Variants in PYGL observed in about 807,000 individuals in gnomAD.
The protein encoded by PYGL is glycogen phosphorylase, liver form.
PYGL carries 90 observed loss-of-function variants against 100.1 expected under a neutral mutation model. The ratio of observed to expected loss-of-function variants is 0.90; its 90% CI spans 0.76 to 1.07. The LOEUF is 1.07. Ranked by LOEUF, PYGL falls within the 50% of genes least tolerant of loss-of-function variation. PYGL has a pLI of 0.00. For synonymous variants in PYGL, 373 were observed against 393.0 expected (o/e 0.95, Z 0.60); for missense variants, 1,016 against 1,057.6 (o/e 0.96, Z 0.55).
chr14:50,906,454 G>C (rs2050337396), intron 19 of PYGL, among the ~76,000 whole-genome samples: 1 of 152,172 alleles, frequency 6.6e-6, no homozygotes, highest in African/African-American at 2.4e-5. Flanking sequence ...ATAATGAATA[G>C]ACTTCCCAGT....
At position 50,908,335 on chromosome 14, in the gene PYGL, A is replaced by C; in HGVS notation, c.2315T>G (p.Phe772Cys). The part of the protein sequence containing the change: ...IINMLFYHDR[F>C]KVFADYEAYV... ...GGCTTCGTAGTCTGCAAAGACTTTA[A>C]ACCTTTTATTTTGTGAGTGGAAGAG... Residue 772 changes from phenylalanine to cysteine, a missense_variant and splice_region_variant, in exon 19 of 20, where the codon TTT becomes TGT. Coordinates refer to ENST00000216392, the MANE Select transcript of PYGL (RefSeq NM_002863.5). 1.3e-6 allele frequency: 2 copies of C among 1,594,750 alleles called. No homozygotes were observed. Among genetic ancestry groups the C allele is most frequent in the Non-Finnish European group, 1.7e-6 (2 of 1,162,370 alleles).
At chr14:50,912,953 CA>C (rs1347808049) in intron 13 of PYGL, 75 bp downstream of exon 13, 4 of 1,430,430 alleles carry the variant, frequency 2.8e-6, no homozygotes, top group Non-Finnish European at 3.9e-6. Context: ...GACTCTGTCT[CA>C]AAAAATAAAC....
rs765251972 is a variant in PYGL at position 50,915,745 on chromosome 14, T to G, written c.1239+80A>C. On this transcript the variant is annotated intron_variant, in intron 10 of 19. Transcript: ENST00000216392. Reference sequence around the variant, plus strand: ...GTATCAATGATTGAAAGATGTTTGGTAAGAGGGAACACTGTAGCCATCTGT... The same window carrying G: ...GTATCAATGATTGAAAGATGTTTGGGAAGAGGGAACACTGTAGCCATCTGT... The G allele has an allele frequency of 8.3e-5, 128 of 1,539,690 alleles. 1 individual carries two copies. Among genetic ancestry groups the G allele is most frequent in the Non-Finnish European group, 4.8e-5 (54 of 1,127,744 alleles).
chr14:50,921,068 C>A lies in PYGL; in HGVS notation c.661-1G>T, dbSNP rs112482340. On this transcript the variant is annotated splice_acceptor_variant, in intron 5 of 19. Coordinates refer to ENST00000216392, the MANE Select transcript of PYGL (RefSeq NM_002863.5). LOFTEE classifies it high-confidence loss of function. The stretch of plus-strand genomic sequence containing the variant: ...TGTCATATGGCAGAGCCAGGACCAC[C>A]TGTGGGATTAAACAGAAGCAGCTGC... The A allele has an allele frequency of 1.2e-6, 2 of 1,608,408 alleles. No individual in the cohort carries two copies. The highest frequency in any genetic ancestry group is 1.7e-6 in the Non-Finnish European group (2 of 1,174,906).
intron 12 of PYGL, among the ~76,000 whole-genome samples, chr14:50,913,665 C>T (rs2050420459): frequency 6.6e-6 from 1 of 152,108 alleles, no homozygotes; most frequent in Non-Finnish European, 1.5e-5. Context: ...TGAGCCACTG[C>T]ACCCGGCCTA....
intron 19 of PYGL, among the ~76,000 whole-genome samples, chr14:50,905,975 A>G (rs1183995080): frequency 6.6e-6 from 1 of 152,164 alleles, no homozygotes; most frequent in Non-Finnish European, 1.5e-5. Flanking sequence ...AGTTTGAAAA[A>G]CACTACTCTA....
chr14:50,920,554 T>C lies in PYGL; in HGVS notation c.842A>G (p.Tyr281Cys), dbSNP rs765432449. 3 of 1,612,268 alleles carry C rather than the reference T, an allele frequency of 1.9e-6. No homozygotes were observed. Among genetic ancestry groups the C allele is most frequent in the Non-Finnish European group, 1.7e-6 (2 of 1,178,330 alleles). The stretch of plus-strand genomic sequence containing the variant: ...TTGATCACTCACATTGTCATTGGGA[T>C]AGAGGACCCGGGAGATGTTCTCGGC... ...NLAENISRVL[Y>C]PNDNFFEGKE... The change falls in exon 7 of 20, where the codon TAT (tyrosine) becomes TGT (cysteine). Residue 281 changes from tyrosine (Y) to cysteine (C), a missense_variant. Tyr to Cys is a radical substitution (Grantham distance 194). Transcript: ENST00000216392.
intron 1 of PYGL, among the ~76,000 whole-genome samples, chr14:50,939,524 G>C (rs982865145): frequency 1.3e-5 from 2 of 151,924 alleles, no homozygotes; most frequent in Non-Finnish European, 2.9e-5. Context: ...TTGAAGGTGA[G>C]AGGTACAAAG....
intron 4 of PYGL, among the ~76,000 whole-genome samples, chr14:50,929,672 C>A (rs1386110886): frequency 6.6e-6 from 1 of 152,148 alleles, no homozygotes. Flanking sequence ...CGCATGGTAT[C>A]CTTTTCCAAG....
At chr14:50,907,946 C>G (rs1213386557) in intron 19 of PYGL, among the ~76,000 whole-genome samples, 1 of 147,602 alleles carries the variant, frequency 6.8e-6, no homozygotes, top group African/African-American at 2.5e-5. Flanking sequence ...CTTGGGAGGC[C>G]GAGAGGTGAA....
At chr14:50,934,856 C>T (rs551445695) in intron 3 of PYGL, among the ~76,000 whole-genome samples, 1 of 152,258 alleles carries the variant, frequency 6.6e-6, no homozygotes, top group African/African-American at 2.4e-5. Context: ...TTAACATACT[C>T]TTAAGTGCAT....
chr14:50,913,788 C>A (rs140761837), intron 12 of PYGL, among the ~76,000 whole-genome samples: 1 of 152,120 alleles, frequency 6.6e-6, no homozygotes, highest in Non-Finnish European at 1.5e-5. Flanking sequence ...CTCCTGGGCT[C>A]AAGCAATCCT....
intron 16 of PYGL, among the ~76,000 whole-genome samples, chr14:50,910,374 T>C (rs1294518593): frequency 6.6e-6 from 1 of 152,206 alleles, no homozygotes; most frequent in Non-Finnish European, 1.5e-5. Context: ...TACATTTCTC[T>C]TCTTCCTTTT....
chr14:50,912,063 A>G (rs376335704), intron 14 of PYGL, 27 bp from the exon 15 acceptor site: 2 of 1,613,428 alleles, frequency 1.2e-6, no homozygotes, highest in Non-Finnish European at 8.5e-7. Context: ...AGTGGATGAA[A>G]TGGAAGACAG....
chr14:50,944,063 G>T, intron 1 of PYGL, 98 bp downstream of exon 1: 1 of 1,432,908 alleles, frequency 7.0e-7, no homozygotes, highest in Non-Finnish European at 9.5e-7. Context: ...CGGGTGCAAG[G>T]GACCACTCTG....
In PYGL at chr14:50,914,837, C is replaced by T. The variant is rs755610586; in HGVS notation, c.1404-22G>A. The stretch of plus-strand genomic sequence containing the variant: ...GAATCTGGAGATGGAGGAGACACAT[C>T]ACTGAATTTGGCTGAAACGGCAAAG... On this transcript the variant is annotated intron_variant, in intron 11 of 19. Coordinates refer to ENST00000216392, the MANE Select transcript of PYGL (RefSeq NM_002863.5). 10 of 1,583,422 alleles carry T rather than the reference C, an allele frequency of 6.3e-6. No homozygotes were observed. The African/African-American group carries it at 1.3e-4, about 21-fold the overall frequency.
Position 50,917,014 on chromosome 14 carries a change from T to G in PYGL, c.947A>C (p.Lys316Thr), listed in dbSNP as rs2050458659. ...TCCTGCACCACGGGTGGAGCCAAAC[T>G]TGGAGGCTTTGAAACGGCGGATGAT... is the stretch of plus-strand genomic sequence containing the variant. ...QDIIRRFKAS[K>T]FGSTRGAGTV... The change falls in exon 8 of 20, where the codon AAG becomes ACG. Residue 316 changes from lysine (K) to threonine (T), a missense_variant. Physicochemically the swap from Lys to Thr is moderately conservative, Grantham distance 78. Transcript: ENST00000216392. The G allele has an allele frequency of 6.2e-7, 1 of 1,614,030 alleles. No homozygotes were observed. The highest frequency in any genetic ancestry group is 8.5e-7 in the Non-Finnish European group (1 of 1,179,998).
At chr14:50,916,828 A>C (rs2050456077) in intron 8 of PYGL, 94 bp from the exon 9 acceptor site, 20 of 1,541,738 alleles carry the variant, frequency 1.3e-5, no homozygotes, top group South Asian at 1.0e-4. Flanking sequence ...TGATATGCCC[A>C]CCTTCTATGA....
At chr14:50,925,839 G>A (rs753636877) in intron 4 of PYGL, among the ~76,000 whole-genome samples, 8 of 152,158 alleles carry the variant, frequency 5.3e-5, no homozygotes, top group Non-Finnish European at 1.0e-4. Context: ...GGTATCAGAT[G>A]CAAGATGAAC....
Sources: allele counts gnomAD v4.1 joint callset (sites outside exome capture counted in the v4.1 genomes callset), GRCh38; gene constraint gnomAD v4.1.1; transcripts MANE v1.5; gene names NCBI Gene and HGNC (gene_info 2026-07-23, HGNC 2026-07-21).